The following KCNN2 variants were observed in gnomAD, a reference collection of about 807,000 sequenced individuals.
The protein encoded by KCNN2 is small conductance calcium-activated potassium channel protein 2.
In KCNN2, 24 loss-of-function variants were observed where a neutral mutation model predicts 55.5. The ratio of observed to expected loss-of-function variants is 0.43; its 90% confidence interval spans 0.31 to 0.61. The LOEUF is 0.61. Ranked by LOEUF, KCNN2 falls within the 20% of genes least tolerant of loss-of-function variation. The probability of loss-of-function intolerance (pLI) is 0.08; values close to 1 mark genes in which losing one functional copy is unlikely to be tolerated. For synonymous variants in KCNN2, 431 were observed against 336.1 expected (o/e 1.28, Z -3.09); for missense variants, 754 against 853.6 (o/e 0.88, Z 1.45).
At chr5:114,311,603 T>C (rs1006880892) in intron 2 of KCNN2, among the ~76,000 whole-genome samples, 1 of 152,204 alleles carries the variant, frequency 6.6e-6, no homozygotes, top group Non-Finnish European at 1.5e-5. Context: ...TCTGAAGATT[T>C]CTCTTTTCAG....
intron 2 of KCNN2, among the ~76,000 whole-genome samples, chr5:114,402,564 G>A (rs1025371764): frequency 6.6e-6 from 1 of 151,818 alleles, no homozygotes; most frequent in African/African-American, 2.4e-5. Context: ...CAAAAGGGAC[G>A]GGAAATAAGG....
intron 1 of KCNN2, among the ~76,000 whole-genome samples, chr5:114,202,044 A>G (rs1018250967): frequency 3.3e-5 from 5 of 152,124 alleles, no homozygotes; most frequent in Non-Finnish European, 7.4e-5. Flanking sequence ...GCAGGGTGGC[A>G]GGGACCATCC....
chr5:114,123,525 G>T (rs1751867475), intron 1 of KCNN2, among the ~76,000 whole-genome samples: 2 of 119,666 alleles, frequency 1.7e-5, no homozygotes, highest in South Asian at 4.9e-4. Context: ...ACCACGCCCG[G>T]CTAATTTTTT....
chr5:114,123,362 T>A (rs376151720), intron 1 of KCNN2, among the ~76,000 whole-genome samples: 2,439 of 55,820 alleles, frequency 0.044, 700 homozygotes, highest in African/African-American at 0.28. Flanking sequence ...TTTTTTTTTT[T>A]TTTTTTTTTT....
intron 1 of KCNN2, among the ~76,000 whole-genome samples, chr5:114,221,387 A>G (rs1754134843): frequency 6.6e-6 from 1 of 152,172 alleles, no homozygotes; most frequent in Non-Finnish European, 1.5e-5. Context: ...CAAGGAAAAA[A>G]CTCAACCTCA....
chr5:114,379,989 C>G (rs1437165333), intron 2 of KCNN2, among the ~76,000 whole-genome samples: 1 of 150,346 alleles, frequency 6.7e-6, no homozygotes, highest in African/African-American at 2.4e-5. Context: ...TTATACATGT[C>G]ATTTACATAA....
Position 114,090,577 on chromosome 5 carries a change from G to GGTA in KCNN2, c.-271+34077_-271+34078insGTA, listed in dbSNP as rs148337745. Among the ~76,000 whole-genome samples, 238 of 148,962 alleles carry GGTA rather than the reference G, an allele frequency of 1.6e-3. 1 individual carries two copies. Among genetic ancestry groups the GGTA allele is most frequent in the African/African-American group, 5.7e-3 (233 of 40,672 alleles). ...TCTCTCTCTCTATATATATATGTAT[G>GGTA]TATATATATACATATATATACCACA... On this transcript the variant is annotated intron_variant, in intron 1 of 10. Coordinates refer to the KCNN2 transcript ENST00000512097.
At chr5:114,364,068 A>C in intron 2 of KCNN2, 67 bp downstream of exon 2, 1 of 1,166,472 alleles carries the variant, frequency 8.6e-7, no homozygotes, top group Non-Finnish European at 1.3e-6. Context: ...AACGCAAGGC[A>C]GCAGAGGCTT....
At chr5:114,423,656 T>C (rs1256669550) in intron 3 of KCNN2, among the ~76,000 whole-genome samples, 1 of 152,172 alleles carries the variant, frequency 6.6e-6, no homozygotes, top group African/African-American at 2.4e-5. Flanking sequence ...AATAAAAAAA[T>C]GGCATAGTGT....
At chr5:114,170,349 A>G (rs1171324626) in intron 1 of KCNN2, among the ~76,000 whole-genome samples, 2 of 152,104 alleles carry the variant, frequency 1.3e-5, no homozygotes, top group Non-Finnish European at 2.9e-5. Context: ...ATAAGATCCT[A>G]TATGGGTTTT....
chr5:114,438,242 A>G (rs952406953), intron 3 of KCNN2, among the ~76,000 whole-genome samples: 4 of 152,208 alleles, frequency 2.6e-5, no homozygotes, highest in Non-Finnish European at 5.9e-5. Context: ...AGATAGTAAC[A>G]TAAAGGGAGG....
intron 1 of KCNN2, among the ~76,000 whole-genome samples, chr5:114,195,834 A>G (rs374240891): frequency 2.0e-5 from 3 of 151,982 alleles, no homozygotes; most frequent in African/African-American, 7.2e-5. Flanking sequence ...TTTTTTGTAG[A>G]TGCCTTATAT....
At chr5:114,136,359 T>A (rs1034883277) in intron 1 of KCNN2, among the ~76,000 whole-genome samples, 1 of 152,204 alleles carries the variant, frequency 6.6e-6, no homozygotes, top group Admixed American at 6.5e-5. Flanking sequence ...CATGGGATGA[T>A]GCAACACAGA....
At chr5:114,459,817 A>G (rs1047560986) in intron 3 of KCNN2, among the ~76,000 whole-genome samples, 1 of 152,204 alleles carries the variant, frequency 6.6e-6, no homozygotes, top group Admixed American at 6.5e-5. Flanking sequence ...CAGGATGACA[A>G]TCTCTGATGC....
intron 1 of KCNN2, among the ~76,000 whole-genome samples, chr5:114,149,321 C>T (rs995181772): frequency 4.6e-5 from 7 of 152,008 alleles, no homozygotes; most frequent in South Asian, 2.1e-4. Context: ...TGCACTGAGC[C>T]GAGGAACAAA....
intron 2 of KCNN2, among the ~76,000 whole-genome samples, chr5:114,367,379 A>G (rs1457456348): frequency 6.6e-6 from 1 of 152,188 alleles, no homozygotes; most frequent in Non-Finnish European, 1.5e-5. Context: ...AAAACATCAG[A>G]TTTAGTAGGA....
At chr5:114,421,995 A>T (rs1056950296) in intron 3 of KCNN2, among the ~76,000 whole-genome samples, 1 of 152,192 alleles carries the variant, frequency 6.6e-6, no homozygotes, top group African/African-American at 2.4e-5. Context: ...TTTTTGTAAG[A>T]AGCCAAGGTA....
At chr5:114,366,762 A>G (rs1440459105) in intron 2 of KCNN2, among the ~76,000 whole-genome samples, 1 of 152,232 alleles carries the variant, frequency 6.6e-6, no homozygotes, top group Non-Finnish European at 1.5e-5. Context: ...TTTTCATAAA[A>G]AGTTTTAAGC....
chr5:114,141,599 A>G (rs545338849), intron 1 of KCNN2, among the ~76,000 whole-genome samples: 2 of 152,196 alleles, frequency 1.3e-5, no homozygotes, highest in South Asian at 2.1e-4. Context: ...CATATGTGTG[A>G]ATGTTTCTTT....
Sources: gnomAD v4.1 joint callset for allele counts (sites outside exome capture counted in the v4.1 genomes callset) on GRCh38, gnomAD v4.1.1 for gene constraint, MANE v1.5 for transcripts, NCBI Gene and HGNC (gene_info 2026-07-23, HGNC 2026-07-21) for gene names.